Variants in DPYSL5 observed in about 807,000 individuals in gnomAD.
The protein encoded by DPYSL5 is dihydropyrimidinase like 5.
In DPYSL5, 9 loss-of-function variants were observed where a neutral mutation model predicts 58.4. That is an observed-to-expected ratio of 0.15 (90% confidence interval 0.09 to 0.27). The LOEUF (loss-of-function observed/expected upper bound fraction) is 0.27. Among genes scored for constraint, DPYSL5 ranks in the 10% least tolerant of loss-of-function variants. The probability of loss-of-function intolerance (pLI) is 1.00; values close to 1 mark genes in which losing one functional copy is unlikely to be tolerated. For synonymous variants in DPYSL5, 293 were observed against 301.9 expected (o/e 0.97, Z 0.31); for missense variants, 499 against 770.6 (o/e 0.65, Z 4.17).
chr2:26,946,379 C>A (rs1665485591), intron 12 of DPYSL5, among the ~76,000 whole-genome samples: 1 of 152,106 alleles, frequency 6.6e-6, no homozygotes, highest in African/African-American at 2.4e-5. Flanking sequence ...GCACTAGACC[C>A]TCCCTTTCCC....
At chr2:26,886,036 A>ACCC (rs1663709955) in intron 1 of DPYSL5, among the ~76,000 whole-genome samples, 1 of 152,138 alleles carries the variant, frequency 6.6e-6, no homozygotes, top group Non-Finnish European at 1.5e-5. Context: ...TGCCTGTGGA[A>ACCC]CCCAGTAGAA....
At chr2:26,895,581 C>T (rs1663990247) in intron 1 of DPYSL5, among the ~76,000 whole-genome samples, 1 of 151,980 alleles carries the variant, frequency 6.6e-6, no homozygotes. Context: ...GAGGTTAGAA[C>T]ACTTGATAGC....
intron 11 of DPYSL5, among the ~76,000 whole-genome samples, chr2:26,943,920 T>A (rs995186225): frequency 6.6e-6 from 1 of 152,210 alleles, no homozygotes; most frequent in African/African-American, 2.4e-5. Context: ...CTCAGAGTTG[T>A]CAGACCAGTA....
chr2:26,914,311 T>C (rs1300742810), intron 2 of DPYSL5, among the ~76,000 whole-genome samples: 1 of 152,178 alleles, frequency 6.6e-6, no homozygotes, highest in Admixed American at 6.5e-5. Flanking sequence ...TCCGGTAGAT[T>C]CTCTCTGTGT....
intron 2 of DPYSL5, among the ~76,000 whole-genome samples, chr2:26,902,109 C>T (rs1412361178): frequency 2.0e-5 from 3 of 152,114 alleles, no homozygotes; most frequent in Non-Finnish European, 2.9e-5. Context: ...GTGCCAGGAC[C>T]ACCTGCTGGC....
chr2:26,926,924 A>G (rs1664841482), intron 3 of DPYSL5, among the ~76,000 whole-genome samples: 1 of 152,234 alleles, frequency 6.6e-6, no homozygotes. Context: ...AATTAAAATC[A>G]TTATTCCTAT....
In DPYSL5 at chr2:26,849,282, G is replaced by A. The variant is rs932172451; in HGVS notation, c.-5+1028G>A. Among the ~76,000 whole-genome samples, 4 of 151,908 alleles carry A rather than the reference G, an allele frequency of 2.6e-5. No individual in the cohort carries two copies. The highest frequency in any genetic ancestry group is 7.2e-5 in the African/African-American group (3 of 41,400). On this transcript the variant is annotated intron_variant, in intron 1 of 12. Coordinates refer to ENST00000288699, the MANE Select transcript of DPYSL5 (RefSeq NM_020134.4). The surrounding 1 kb of genome is among the most constrained non-coding windows in gnomAD (Gnocchi z 6.2). ...GCCTGGGTTTGAGGAGGGAGGACGG[G>A]AGCGAGGAGAAGACCCGCGCTGTGC...
chr2:26,942,260 G>A lies in DPYSL5; in HGVS notation c.1232+168G>A, dbSNP rs552744459. On this transcript the variant is annotated intron_variant, in intron 10 of 12. Transcript: ENST00000288699. The surrounding 1 kb of genome is among the most constrained non-coding windows in gnomAD (Gnocchi z 5.9). ...TCCATCTTCACACAGTCTTTCTTCC[G>A]TGTCACACATGTCTGGTGTGTCTGT... Among the ~76,000 whole-genome samples, 3 of 152,280 alleles carry A rather than the reference G, an allele frequency of 2.0e-5. No homozygotes were observed. Among genetic ancestry groups the A allele is most frequent in the Non-Finnish European group, 2.9e-5 (2 of 68,028 alleles).
Position 26,940,293 on chromosome 2 carries a change from C to G in DPYSL5, c.1089+121C>G, listed in dbSNP as rs186177301. On this transcript the variant is annotated intron_variant, in intron 9 of 12. Coordinates refer to ENST00000288699, the MANE Select transcript of DPYSL5 (RefSeq NM_020134.4). ...CTGTCAAAGAATGTTCTTAGAAGGG[C>G]TGGTTCAATCCCAGCTGTTTGTTTC... 12 of 1,228,630 alleles carry G rather than the reference C, an allele frequency of 9.8e-6. No homozygotes were observed. In the East Asian group the frequency reaches 3.1e-4, roughly 32 times the overall value. The allele number at this position is 1,228,630 out of a possible 1,614,324, so 76.1% of individuals were successfully genotyped here. A position where few individuals can be genotyped will look rare whatever the true frequency, so the allele number is the denominator to read the frequency against.
intron 1 of DPYSL5, chr2:26,848,650 C>T (rs770373069): frequency 6.2e-4 from 94 of 152,270 alleles, no homozygotes; most frequent in Non-Finnish European, 8.5e-4. Flanking sequence ...GCGCCTCTGG[C>T]CGGGGGCCAG....
chr2:26,874,717 G>C (rs1237933096), intron 1 of DPYSL5, among the ~76,000 whole-genome samples: 1 of 152,220 alleles, frequency 6.6e-6, no homozygotes, highest in Non-Finnish European at 1.5e-5. Context: ...CCTTTGCAGG[G>C]AGACCTGCGT....
rs572407713 is a variant in DPYSL5 at position 26,898,304 on chromosome 2, G to A, written c.-4-192G>A. ...CCCCAGCTTCTCCCTTACTGCAGCTGTGTCCTGATTCCTAATAAGTCCCTC... is the reference window on the plus strand; with the variant it reads ...CCCCAGCTTCTCCCTTACTGCAGCTATGTCCTGATTCCTAATAAGTCCCTC... On this transcript the variant is annotated intron_variant, in intron 1 of 12. Coordinates refer to ENST00000288699, the MANE Select transcript of DPYSL5 (RefSeq NM_020134.4). The surrounding 1 kb of genome is among the most constrained non-coding windows in gnomAD (Gnocchi z 6.1). 3.9e-5 allele frequency among the ~76,000 whole-genome samples: 6 copies of A among 152,280 alleles called. No homozygotes were observed. In the East Asian group the frequency reaches 9.7e-4, roughly 25 times the overall value.
chr2:26,885,405 T>G (rs1290228847), intron 1 of DPYSL5, among the ~76,000 whole-genome samples: 1 of 152,156 alleles, frequency 6.6e-6, no homozygotes, highest in Non-Finnish European at 1.5e-5. Context: ...TTCTCTCCAG[T>G]GCAGTGACAA....
chr2:26,918,221 A>G (rs1490554923), intron 2 of DPYSL5, among the ~76,000 whole-genome samples: 2 of 150,168 alleles, frequency 1.3e-5, no homozygotes, highest in Non-Finnish European at 3.0e-5. Flanking sequence ...CGACATGCCC[A>G]TGGAGCTGGG....
intron 1 of DPYSL5, among the ~76,000 whole-genome samples, chr2:26,886,914 C>G (rs1318512506): frequency 6.6e-6 from 1 of 152,224 alleles, no homozygotes; most frequent in Admixed American, 6.5e-5. Flanking sequence ...CATAGGTTTC[C>G]ATTTTCCTTT....
chr2:26,929,600 C>T (rs1664921236), intron 5 of DPYSL5, among the ~76,000 whole-genome samples: 1 of 152,250 alleles, frequency 6.6e-6, no homozygotes, highest in African/African-American at 2.4e-5. Flanking sequence ...CCATCCCTGT[C>T]CTGGTCTGTG....
chr2:26,932,349 T>C (rs986287582), intron 6 of DPYSL5, among the ~76,000 whole-genome samples: 2 of 152,174 alleles, frequency 1.3e-5, no homozygotes, highest in African/African-American at 2.4e-5. Context: ...ATCCTTGCAT[T>C]CACCCTTCTC....
At chr2:26,866,496 A>G (rs192234160) in intron 1 of DPYSL5, among the ~76,000 whole-genome samples, 1 of 151,688 alleles carries the variant, frequency 6.6e-6, no homozygotes, top group African/African-American at 2.4e-5. Flanking sequence ...ACACACACAC[A>G]ATGTTCATTG....
chr2:26,892,383 A>G (rs1663903239), intron 1 of DPYSL5, among the ~76,000 whole-genome samples: 1 of 152,196 alleles, frequency 6.6e-6, no homozygotes, highest in Non-Finnish European at 1.5e-5. Flanking sequence ...TCAGTAAGCT[A>G]TTATCACAGT....
Sources: allele counts gnomAD v4.1 joint callset (sites outside exome capture counted in the v4.1 genomes callset), GRCh38; gene constraint gnomAD v4.1.1; non-coding constraint Gnocchi (gnomAD v3.1); transcripts MANE v1.5; gene names NCBI Gene and HGNC (gene_info 2026-07-23, HGNC 2026-07-21).